Variants in RABGEF1 observed in about 807,000 individuals in gnomAD.
The protein encoded by RABGEF1 is rab5 GDP/GTP exchange factor.
Under a neutral mutation model 57.3 loss-of-function variants are expected in RABGEF1, and 26 were observed. The ratio of observed to expected loss-of-function variants is 0.45; its 90% confidence interval spans 0.33 to 0.63. The LOEUF (loss-of-function observed/expected upper bound fraction) is 0.63, where lower values mean the gene tolerates loss of function less well. Among genes scored for constraint, RABGEF1 ranks in the 20% least tolerant of loss-of-function variants. The pLI, the probability that RABGEF1 is intolerant of heterozygous loss-of-function variation, is 0.02. For missense variants in RABGEF1, 464 were observed against 607.6 expected, an observed-to-expected ratio of 0.76 and a Z score of 2.48; for synonymous variants, 185 against 210.7, an observed-to-expected ratio of 0.88 and a Z score of 1.06.
upstream of RABGEF1, among the ~76,000 whole-genome samples, chr7:66,681,995 G>A (rs1276251560): frequency 1.3e-5 from 2 of 152,204 alleles, no homozygotes; most frequent in African/African-American, 4.8e-5. Flanking sequence ...GCGTCAGAGC[G>A]GCACCCTACT....
intron 1 of RABGEF1, among the ~76,000 whole-genome samples, chr7:66,767,538 C>G (rs1806048852): frequency 6.6e-6 from 1 of 152,168 alleles, no homozygotes; most frequent in African/African-American, 2.4e-5. Flanking sequence ...CTGCTATGGT[C>G]TGAATCTTTG....
chr7:66,744,689 A>T (rs897609029), intron 1 of RABGEF1, among the ~76,000 whole-genome samples: 12 of 144,922 alleles, frequency 8.3e-5, no homozygotes, highest in Non-Finnish European at 1.2e-4. Flanking sequence ...AAAAAAAAAG[A>T]TGCTTGACGT....
chr7:66,680,361 C>T (rs1718342804), upstream of RABGEF1, among the ~76,000 whole-genome samples: 1 of 151,976 alleles, frequency 6.6e-6, no homozygotes, highest in African/African-American at 2.4e-5. Context: ...TCTCCTGCCT[C>T]AACCTCCCAA....
chr7:66,768,332 A>G (rs535064990), intron 1 of RABGEF1, among the ~76,000 whole-genome samples: 1 of 152,308 alleles, frequency 6.6e-6, no homozygotes, highest in Admixed American at 6.5e-5. Context: ...CAGTGTATAT[A>G]TCTTCTTTGT....
chr7:66,660,204 C>T, the RABGEF1 span, among the ~76,000 whole-genome samples: 4 of 151,910 alleles, frequency 2.6e-5, no homozygotes, highest in East Asian at 1.9e-4. Flanking sequence ...AAAAATCAGC[C>T]GGGTGTGGTG....
chr7:66,762,873 G>A (rs777903592), intron 1 of RABGEF1, among the ~76,000 whole-genome samples: 3 of 152,296 alleles, frequency 2.0e-5, no homozygotes, highest in East Asian at 3.9e-4. Context: ...AGACCTAAAC[G>A]ATGAGAAACA....
At chr7:66,669,420 G>A in the RABGEF1 span, 1 of 152,310 alleles carries the variant, frequency 6.6e-6, no homozygotes, top group Non-Finnish European at 1.5e-5. Flanking sequence ...GGTTGACGAT[G>A]CCTGGAATCC....
intron 1 of RABGEF1, among the ~76,000 whole-genome samples, chr7:66,763,845 T>G (rs965733650): frequency 6.6e-6 from 1 of 152,198 alleles, no homozygotes; most frequent in Non-Finnish European, 1.5e-5. Context: ...TAATATTCCA[T>G]TTTATGGATA....
Position 66,804,086 on chromosome 7 carries a change from A to ATTTTTT in RABGEF1, c.821-1042_821-1037dup, listed in dbSNP as rs776154567. Among the ~76,000 whole-genome samples the ATTTTTT allele has an allele frequency of 4.4e-5, 6 of 136,920 alleles. No homozygotes were observed. The East Asian group carries it at 1.3e-3, about 29-fold the overall frequency. The allele number at this position is 136,920 out of a possible 152,430, so 89.8% of individuals were successfully genotyped here. On this transcript the variant is annotated intron_variant, in intron 7 of 8. Coordinates refer to ENST00000284957, the MANE Select transcript of RABGEF1 (RefSeq NM_014504.3). ...AAGTGTGTCGGATTCCAGTAGCTGG[A>ATTTTTT]TTTTTTTTTTTTTTTTTAACAAGAT...
chr7:66,744,021 TTTTTCTTTTC>T (rs147814665), intron 1 of RABGEF1, among the ~76,000 whole-genome samples: 6 of 148,462 alleles, frequency 4.0e-5, no homozygotes, highest in South Asian at 2.1e-4. Context: ...ATTATTTGCT[TTTTTCTTTTC>T]TTTTCTTTTC....
intron 2 of RABGEF1, chr7:66,773,631 A>G: frequency 2.2e-6 from 1 of 452,998 alleles, no homozygotes; most frequent in Admixed American, 2.4e-5. Flanking sequence ...CATACTTGGA[A>G]AATCATTGTC....
intron 1 of RABGEF1, among the ~76,000 whole-genome samples, chr7:66,752,707 C>A (rs1386969671): frequency 6.6e-6 from 1 of 152,212 alleles, no homozygotes; most frequent in Non-Finnish European, 1.5e-5. Context: ...CAGGCCCTTT[C>A]CCAGGCCAGT....
chr7:66,663,687 C>T, the RABGEF1 span, among the ~76,000 whole-genome samples: 18 of 149,560 alleles, frequency 1.2e-4, no homozygotes, highest in African/African-American at 4.1e-4. Context: ...CACATGTATA[C>T]ATATGTAACT....
At chr7:66,786,662 C>T (rs1465606790) in intron 4 of RABGEF1, among the ~76,000 whole-genome samples, 1 of 152,194 alleles carries the variant, frequency 6.6e-6, no homozygotes, top group Non-Finnish European at 1.5e-5. Flanking sequence ...ACTTGGCCTC[C>T]CAAAGAGCTG....
intron 2 of RABGEF1, among the ~76,000 whole-genome samples, chr7:66,718,206 G>A (rs747822662): frequency 6.6e-6 from 1 of 152,102 alleles, no homozygotes; most frequent in South Asian, 2.1e-4. Context: ...AATATTAGGC[G>A]TGGTGGTGCA....
chr7:66,747,726 A>G (rs552883250), intron 1 of RABGEF1, among the ~76,000 whole-genome samples: 2 of 152,340 alleles, frequency 1.3e-5, no homozygotes, highest in South Asian at 4.1e-4. Context: ...TTTGGAGCAC[A>G]TAAAAGAAAA....
At chr7:66,675,069 T>G in the RABGEF1 span, among the ~76,000 whole-genome samples, 1 of 152,270 alleles carries the variant, frequency 6.6e-6, no homozygotes, top group Non-Finnish European at 1.5e-5. Flanking sequence ...CTAATAACAC[T>G]TATTGAAGCC....
chr7:66,756,089 AAGAT>A, intron 1 of RABGEF1: 2 of 1,424,884 alleles, frequency 1.4e-6, no homozygotes, highest in African/African-American at 2.9e-5. Flanking sequence ...TGAGTACTGA[AAGAT>A]ATATAAGAAG....
chr7:66,684,760 G>A (rs1349673770), intron 1 of RABGEF1, among the ~76,000 whole-genome samples: 3 of 152,090 alleles, frequency 2.0e-5, no homozygotes, highest in African/African-American at 7.2e-5. Context: ...TCAGTCTCCC[G>A]AGTAGCTGGG....
Sources: gnomAD v4.1 joint callset for allele counts (sites outside exome capture counted in the v4.1 genomes callset) on GRCh38, gnomAD v4.1.1 for gene constraint, MANE v1.5 for transcripts, NCBI Gene and HGNC (gene_info 2026-07-23, HGNC 2026-07-21) for gene names.